The following FBXO32 variants were observed in gnomAD, a reference collection of about 807,000 sequenced individuals.
The protein encoded by FBXO32 is F-box protein 32.
Under a neutral mutation model 48.3 loss-of-function variants are expected in FBXO32, and 15 were observed. The ratio of observed to expected loss-of-function variants is 0.31; its 90% CI spans 0.21 to 0.48. The LOEUF (loss-of-function observed/expected upper bound fraction) is 0.48. Among genes scored for constraint, FBXO32 ranks in the 20% least tolerant of loss-of-function variants. FBXO32 has a pLI of 0.99. For synonymous variants in FBXO32, 154 were observed against 165.9 expected (o/e 0.93, Z 0.55); for missense variants, 309 against 432.7 (o/e 0.71, Z 2.54).
intron 4 of FBXO32, among the ~76,000 whole-genome samples, chr8:123,514,961 C>G (rs1321297377): frequency 6.6e-6 from 1 of 152,200 alleles, no homozygotes; most frequent in Non-Finnish European, 1.5e-5. Context: ...TGGCTAAAAA[C>G]TTGGATCCTT....
intron 2 of FBXO32, among the ~76,000 whole-genome samples, chr8:123,533,744 G>T (rs1469438136): frequency 6.6e-6 from 1 of 152,120 alleles, no homozygotes; most frequent in East Asian, 1.9e-4. Flanking sequence ...GGAGGCAGAG[G>T]TTGCAGTGAG....
At chr8:123,503,969 C>T (rs995804920) in intron 8 of FBXO32, among the ~76,000 whole-genome samples, 2 of 151,692 alleles carry the variant, frequency 1.3e-5, no homozygotes, top group African/African-American at 4.8e-5. Context: ...GTCCCAGATA[C>T]TCGGGGAGGC....
chr8:123,528,793 T>G (rs1327124328), intron 4 of FBXO32, among the ~76,000 whole-genome samples: 2 of 152,222 alleles, frequency 1.3e-5, no homozygotes, highest in African/African-American at 4.8e-5. Flanking sequence ...ACATAACAGA[T>G]TTTCAGAAAA....
intron 4 of FBXO32, among the ~76,000 whole-genome samples, chr8:123,524,846 G>A (rs571860051): frequency 6.6e-6 from 1 of 152,326 alleles, no homozygotes; most frequent in Non-Finnish European, 1.5e-5. Context: ...TGGGCCCGTG[G>A]CTCTGCTCTT....
At chr8:123,521,622 A>T (rs1328632955) in intron 4 of FBXO32, among the ~76,000 whole-genome samples, 3 of 152,222 alleles carry the variant, frequency 2.0e-5, no homozygotes, top group Non-Finnish European at 4.4e-5. Flanking sequence ...GGACAAAACC[A>T]CAAGGCTGCT....
At chr8:123,529,592 A>G (rs1021099469) in intron 4 of FBXO32, among the ~76,000 whole-genome samples, 6 of 152,218 alleles carry the variant, frequency 3.9e-5, no homozygotes, top group Admixed American at 3.9e-4. Context: ...ATTTTACTTC[A>G]GCTCCTCTGC....
chr8:123,510,456 T>C (rs1816713547), intron 6 of FBXO32, among the ~76,000 whole-genome samples: 1 of 151,910 alleles, frequency 6.6e-6, no homozygotes, highest in Non-Finnish European at 1.5e-5. Context: ...TACCAAAAAA[T>C]ACAAAAATTA....
At chr8:123,520,345 C>T (rs1242467059) in intron 4 of FBXO32, among the ~76,000 whole-genome samples, 1 of 152,040 alleles carries the variant, frequency 6.6e-6, no homozygotes, top group Non-Finnish European at 1.5e-5. Context: ...GAGGAGGAGG[C>T]TTCTCGGCTC....
intron 1 of FBXO32, among the ~76,000 whole-genome samples, chr8:123,539,462 T>A (rs1299325689): frequency 6.6e-6 from 1 of 152,212 alleles, no homozygotes; most frequent in Non-Finnish European, 1.5e-5. Context: ...GTAAATAAAT[T>A]ACTTGATTTT....
intron 2 of FBXO32, among the ~76,000 whole-genome samples, chr8:123,533,823 T>A (rs1410624646): frequency 6.7e-6 from 1 of 149,590 alleles, no homozygotes; most frequent in Non-Finnish European, 1.5e-5. Flanking sequence ...AAAAATGAAA[T>A]TAGGCTTTGA....
At chr8:123,532,757 G>T (rs117255629) in intron 3 of FBXO32, among the ~76,000 whole-genome samples, 1 of 152,172 alleles carries the variant, frequency 6.6e-6, no homozygotes, top group African/African-American at 2.4e-5. Context: ...TTATTACAAT[G>T]TCTTGTCCCC....
intron 3 of FBXO32, 138 bp downstream of exon 3, chr8:123,533,053 T>TA: frequency 3.1e-6 from 2 of 649,932 alleles, no homozygotes; most frequent in Non-Finnish European, 5.4e-6. Flanking sequence ...GGCTAAATAA[T>TA]AGACTAATAG....
Position 123,513,330 on chromosome 8 carries a change from G to C in FBXO32, c.519C>G (p.Leu173=). The change falls in exon 6 of 9, where the codon CTC becomes CTG. Residue 173 remains leucine, a synonymous_variant. Transcript: ENST00000517956. The surrounding 1 kb of genome is among the most constrained non-coding windows in gnomAD (Gnocchi z 4.3). ...IRLIRELLQT[L]YTSLCTLVQR... ...GGACCAGTGTACATAAGGATGTGTA[G>C]AGGGTCTGGAGTAGTTCCCTTATTA... 2.5e-6 allele frequency: 4 copies of C among 1,614,226 alleles called. No homozygotes were observed. The highest frequency in any genetic ancestry group is 3.4e-6 in the Non-Finnish European group (4 of 1,180,036).
At chr8:123,515,460 G>A (rs1436362398) in intron 4 of FBXO32, among the ~76,000 whole-genome samples, 1 of 150,746 alleles carries the variant, frequency 6.6e-6, no homozygotes, top group Admixed American at 6.6e-5. Flanking sequence ...CGTTGGCCAG[G>A]CTGCTCTCGA....
At chr8:123,505,467 G>A (rs1816596752) in intron 7 of FBXO32, among the ~76,000 whole-genome samples, 1 of 151,742 alleles carries the variant, frequency 6.6e-6, no homozygotes, top group African/African-American at 2.4e-5. Flanking sequence ...AGGGTGCGGT[G>A]GCTCACGCCT....
intron 6 of FBXO32, among the ~76,000 whole-genome samples, chr8:123,511,625 A>G (rs980398504): frequency 8.6e-5 from 13 of 151,890 alleles, no homozygotes; most frequent in Admixed American, 7.9e-4. Flanking sequence ...ACAGGTGTGT[A>G]CCACCATGCC....
At chr8:123,512,529 C>CTTTT (rs1205869212) in intron 6 of FBXO32, among the ~76,000 whole-genome samples, 2 of 135,388 alleles carry the variant, frequency 1.5e-5, no homozygotes, top group Non-Finnish European at 1.6e-5. Context: ...GTCTTCCTCC[C>CTTTT]TTTTTTTTTT....
chr8:123,503,501 G>A lies in FBXO32; in HGVS notation c.979-39C>T, dbSNP rs1402813810. ...CATGGTTAGCTTCAAGTTCTCAGAG[G>A]CCTCTCTTTGGCTTTTAGCACCATA... is the stretch of plus-strand genomic sequence containing the variant. On this transcript the variant is annotated intron_variant, in intron 8 of 8. Transcript: ENST00000517956. The A allele has an allele frequency of 6.4e-6, 10 of 1,554,948 alleles. No homozygotes were observed. The South Asian group carries it at 7.9e-5, about 12-fold the overall frequency.
chr8:123,513,221 G>A lies in FBXO32; in HGVS notation c.628C>T (p.Leu210=). ...METILHWQQQ[L]NNIQITRPAF... is the part of the protein sequence containing the mutation. The stretch of plus-strand genomic sequence containing the variant: ...ACCCTGGTGATCTGAATGTTGTTCA[G>A]CTGCTGCTGCCAGTGGAGAATCGTC... The change falls in exon 6 of 9, where the codon CTG becomes TTG. Residue 210 remains leucine, a synonymous_variant. Coordinates refer to ENST00000517956, the MANE Select transcript of FBXO32 (RefSeq NM_058229.4). This position sits in a 1 kb window ranked among gnomAD's most constrained non-coding sequence, Gnocchi z 4.3. 6.2e-7 allele frequency: 1 copy of A among 1,614,054 alleles called. No homozygotes were observed. The highest frequency in any genetic ancestry group is 8.5e-7 in the Non-Finnish European group (1 of 1,179,936).
Sources: gnomAD v4.1 joint callset for allele counts (sites outside exome capture counted in the v4.1 genomes callset) on GRCh38, gnomAD v4.1.1 for gene constraint, Gnocchi (gnomAD v3.1) non-coding constraint, MANE v1.5 for transcripts, NCBI Gene and HGNC (gene_info 2026-07-23, HGNC 2026-07-21) for gene names.